RUNX1: variants seen among roughly 807,000 people sequenced by gnomAD.
RUNX1 encodes RUNX family transcription factor 1, also known as runt-related transcription factor 1.
Under a neutral mutation model 42.8 loss-of-function variants are expected in RUNX1, and 19 were observed. The ratio of observed to expected loss-of-function variants is 0.44; its 90% CI spans 0.31 to 0.65. The LOEUF (loss-of-function observed/expected upper bound fraction) is 0.65. Among genes scored for constraint, RUNX1 ranks in the 30% least tolerant of loss-of-function variants. The pLI is 0.07. For synonymous variants in RUNX1, 271 were observed against 289.4 expected (o/e 0.94, Z 0.64); for missense variants, 528 against 672.0 (o/e 0.79, Z 2.37).
At chr21:34,922,008 GATA>G (rs1342032022) in intron 2 of RUNX1, among the ~76,000 whole-genome samples, 1 of 152,178 alleles carries the variant, frequency 6.6e-6, no homozygotes, top group Non-Finnish European at 1.5e-5. Flanking sequence ...GGCAGGATAG[GATA>G]ATATTAATTA....
chr21:35,018,196 T>C (rs996088102), intron 2 of RUNX1, among the ~76,000 whole-genome samples: 5 of 152,134 alleles, frequency 3.3e-5, no homozygotes, highest in African/African-American at 1.2e-4. Context: ...CAGATAATTT[T>C]TGCATTTTTA....
chr21:35,012,012 C>T (rs1370697825), intron 2 of RUNX1, among the ~76,000 whole-genome samples: 1 of 152,090 alleles, frequency 6.6e-6, no homozygotes, highest in Non-Finnish European at 1.5e-5. Flanking sequence ...TGTCTTCTGG[C>T]AGGTGCTACA....
chr21:34,931,833 G>C (rs1301224438), intron 2 of RUNX1, among the ~76,000 whole-genome samples: 1 of 152,048 alleles, frequency 6.6e-6, no homozygotes, highest in Non-Finnish European at 1.5e-5. Context: ...GGAGGGGACA[G>C]TGGGAGATAG....
At chr21:35,030,499 G>A (rs2059265537) in intron 2 of RUNX1, among the ~76,000 whole-genome samples, 1 of 152,092 alleles carries the variant, frequency 6.6e-6, no homozygotes. Context: ...TAGACCCATG[G>A]GAAATGAAAC....
rs151286986 is a variant in RUNX1, at chr21:34,806,333, C to T, written c.806-6871G>A. Among the ~76,000 whole-genome samples, 240 of 152,100 alleles carry T rather than the reference C, an allele frequency of 1.6e-3. 1 individual carries two copies. The highest frequency in any genetic ancestry group is 2.4e-3 in the Non-Finnish European group (165 of 67,982). On this transcript the variant is annotated intron_variant, in intron 7 of 8. Transcript: ENST00000675419. ...ACTGATTGAAAGAAAGCCAGAGCAG[C>T]GATGTTAATTTTATACAAAGCTGAC...
intron 7 of RUNX1, among the ~76,000 whole-genome samples, chr21:34,803,363 C>G (rs1202245306): frequency 6.6e-6 from 1 of 151,880 alleles, no homozygotes; most frequent in Non-Finnish European, 1.5e-5. Flanking sequence ...CTCGCTAACA[C>G]GGTGAAACCC....
intron 2 of RUNX1, among the ~76,000 whole-genome samples, chr21:34,950,078 A>G (rs1161103652): frequency 6.6e-6 from 1 of 152,244 alleles, no homozygotes; most frequent in Non-Finnish European, 1.5e-5. Flanking sequence ...TTCCTTATAA[A>G]CTGCCAAATG....
intron 2 of RUNX1, among the ~76,000 whole-genome samples, chr21:35,020,231 C>T (rs1040043622): frequency 6.6e-6 from 1 of 152,056 alleles, no homozygotes; most frequent in Non-Finnish European, 1.5e-5. Context: ...TCCTCCCCGA[C>T]CTTACTTTCC....
rs1413057261 is a variant in RUNX1, at chr21:34,849,468, T to G, written c.613+10006A>C. The stretch of plus-strand genomic sequence containing the variant: ...ACTATATATTATAATATATAGTATA[T>G]ATATAATATATATTATATATATATA... On this transcript the variant is annotated intron_variant, in intron 6 of 8. Transcript: ENST00000675419. Among the ~76,000 whole-genome samples, 3 of 96,610 alleles carry G rather than the reference T, an allele frequency of 3.1e-5. No homozygotes were observed. The East Asian group carries it at 7.9e-4, about 25-fold the overall frequency. The allele number at this position is 96,610 out of a possible 152,430, so 63.4% of individuals were successfully genotyped here. A position where few individuals can be genotyped will look rare whatever the true frequency, so the allele number is the denominator to read the frequency against.
At position 34,886,994 on chromosome 21, in the gene RUNX1, A is replaced by C. The variant is rs1457506678; in HGVS notation, c.200T>G (p.Leu67Arg). 6.2e-7 allele frequency: 1 copy of C among 1,605,872 alleles called. No individual in the cohort carries two copies. Among genetic ancestry groups the C allele is most frequent in the South Asian group, 1.1e-5 (1 of 90,840 alleles). ...GTCGCCGCTCCTCAGCTTGCCGGCCAGGGCAGCGCCGGCGTCCGGGGCGCC... is the reference window on the plus strand; with the variant it reads ...GTCGCCGCTCCTCAGCTTGCCGGCCCGGGCAGCGCCGGCGTCCGGGGCGCC... ...PLGAPDAGAA[L>R]AGKLRSGDRS... Residue 67 changes from leucine to arginine, a missense_variant, in exon 4 of 9, where the codon CTG becomes CGG. Coordinates refer to ENST00000675419, the MANE Select transcript of RUNX1 (RefSeq NM_001754.5).
chr21:34,994,403 A>G (rs938778646), intron 2 of RUNX1, among the ~76,000 whole-genome samples: 2 of 152,192 alleles, frequency 1.3e-5, no homozygotes, highest in African/African-American at 4.8e-5. Flanking sequence ...AAAATAACTA[A>G]AAGTATAATT....
chr21:34,917,678 G>T, intron 2 of RUNX1, among the ~76,000 whole-genome samples: 1 of 152,112 alleles, frequency 6.6e-6, no homozygotes, highest in East Asian at 1.9e-4. Context: ...AAGCGAGAAA[G>T]CCTGGAACGT....
intron 2 of RUNX1, among the ~76,000 whole-genome samples, chr21:34,980,802 A>G (rs2058841081): frequency 6.6e-6 from 1 of 152,244 alleles, no homozygotes; most frequent in South Asian, 2.1e-4. Context: ...TAGGTAGCAG[A>G]TAAAACTTAC....
chr21:34,804,064 G>A (rs1434317410), intron 7 of RUNX1, among the ~76,000 whole-genome samples: 3 of 152,188 alleles, frequency 2.0e-5, no homozygotes, highest in Non-Finnish European at 4.4e-5. Flanking sequence ...AGGGCAAACT[G>A]CAACCCCAAA....
At chr21:34,952,774 G>A (rs1361381558) in intron 2 of RUNX1, among the ~76,000 whole-genome samples, 1 of 152,142 alleles carries the variant, frequency 6.6e-6, no homozygotes, top group Non-Finnish European at 1.5e-5. Context: ...ATTACTGTTT[G>A]CTGGGAACAT....
intron 2 of RUNX1, among the ~76,000 whole-genome samples, chr21:35,015,179 T>A (rs1454348400): frequency 1.3e-5 from 2 of 152,158 alleles, no homozygotes; most frequent in African/African-American, 4.8e-5. Flanking sequence ...CGTTCCTAAA[T>A]CCCTTTGCAT....
chr21:35,022,763 C>T (rs996567457), intron 2 of RUNX1, among the ~76,000 whole-genome samples: 5 of 151,956 alleles, frequency 3.3e-5, no homozygotes, highest in East Asian at 1.9e-4. Context: ...GGTGTGGTGG[C>T]GGGTGCCCGT....
At position 34,868,864 on chromosome 21, in the gene RUNX1, T is replaced by C. The variant is rs578185898; in HGVS notation, c.509-9286A>G. On this transcript the variant is annotated intron_variant, in intron 5 of 8. Coordinates refer to ENST00000675419, the MANE Select transcript of RUNX1 (RefSeq NM_001754.5). Reference sequence around the variant, plus strand: ...AATGTATATCTGATAAATGAATGAATGAAAGAAATGCCCTTAGTAAATGAC... The same window carrying C: ...AATGTATATCTGATAAATGAATGAACGAAAGAAATGCCCTTAGTAAATGAC... Among the ~76,000 whole-genome samples, 14 of 152,246 alleles carry C rather than the reference T, an allele frequency of 9.2e-5. No individual in the cohort carries two copies. In the East Asian group the frequency reaches 2.5e-3, roughly 27 times the overall value.
At chr21:34,985,009 T>C (rs1333173575) in intron 2 of RUNX1, among the ~76,000 whole-genome samples, 1 of 152,212 alleles carries the variant, frequency 6.6e-6, no homozygotes, top group East Asian at 1.9e-4. Context: ...TAGGAGGTTG[T>C]GCATGGATAT....
Sources: allele counts gnomAD v4.1 joint callset (sites outside exome capture counted in the v4.1 genomes callset), GRCh38; gene constraint gnomAD v4.1.1; transcripts MANE v1.5; gene names NCBI Gene and HGNC (gene_info 2026-07-23, HGNC 2026-07-21).